MAP4: variants seen among roughly 807,000 people sequenced by gnomAD.
The protein encoded by MAP4 is microtubule-associated protein 4.
In MAP4, 76 loss-of-function variants were observed where a neutral mutation model predicts 170.2. The observed-to-expected ratio is 0.45, with a 90% CI of 0.37 to 0.54. The LOEUF (loss-of-function observed/expected upper bound fraction) is 0.54. Ranked by LOEUF, MAP4 falls within the 20% of genes least tolerant of loss-of-function variation. The pLI is 0.00. For missense variants in MAP4, 2,506 were observed against 2,748.0 expected (o/e 0.91, Z 1.97); for synonymous variants, 909 against 994.5 (o/e 0.91, Z 1.62).
intron 11 of MAP4, 169 bp downstream of exon 11, chr3:47,877,248 C>T: frequency 1.7e-6 from 1 of 579,264 alleles, no homozygotes; most frequent in Non-Finnish European, 3.1e-6. Flanking sequence ...TGGTTTAGGC[C>T]ACTGTGGTAA....
In MAP4 at chr3:47,946,050, T is replaced by C. The variant is rs563576401; in HGVS notation, c.293-17700A>G. Among the ~76,000 whole-genome samples, 604 of 151,792 alleles carry C rather than the reference T, an allele frequency of 4.0e-3. 8 individuals are homozygous for C. Among genetic ancestry groups the C allele is most frequent in the African/African-American group, 0.014 (585 of 41,464 alleles). Reference sequence around the variant, plus strand: ...CCCAGGTTCATGCCATTCTCCTGCCTCAGCCTCCTGAGTAGCTGGGACTAC... The same window carrying C: ...CCCAGGTTCATGCCATTCTCCTGCCCCAGCCTCCTGAGTAGCTGGGACTAC... On this transcript the variant is annotated intron_variant, in intron 3 of 20. Transcript: ENST00000683076.
chr3:47,903,251 T>C (rs1559981488), intron 9 of MAP4, among the ~76,000 whole-genome samples: 1 of 152,190 alleles, frequency 6.6e-6, no homozygotes, highest in Non-Finnish European at 1.5e-5. Flanking sequence ...AGTCCTTTTC[T>C]GGCCAGGTGC....
At position 48,037,542 on chromosome 3, in the gene MAP4, AT is replaced by A. The variant is rs148695744; in HGVS notation, c.-19-38664del. 8.0e-4 allele frequency among the ~76,000 whole-genome samples: 121 copies of A among 152,120 alleles called. 4 individuals carry two copies. In the East Asian group the frequency reaches 0.022, roughly 28 times the overall value. The stretch of plus-strand genomic sequence containing the variant: ...CCCAAGTAGCTGGAACTCCAAGCAC[AT>A]GCCACCATGCCTGGCTAATTTTTGT... On this transcript the variant is annotated intron_variant, in intron 1 of 18. Transcript: ENST00000360240.
At chr3:48,027,853 T>C (rs777097153) in intron 1 of MAP4, among the ~76,000 whole-genome samples, 14 of 152,010 alleles carry the variant, frequency 9.2e-5, no homozygotes, top group Non-Finnish European at 1.9e-4. Flanking sequence ...AAATAAAAAA[T>C]CCGAAGATCA....
intron 3 of MAP4, chr3:47,973,843 G>A: frequency 1.0e-6 from 1 of 985,340 alleles, no homozygotes; most frequent in Non-Finnish European, 1.2e-6. Flanking sequence ...GGAAAGGGTT[G>A]TGTTTTCTTT....
At chr3:47,921,580 C>T (rs1291858795) in intron 5 of MAP4, among the ~76,000 whole-genome samples, 185 bp downstream of exon 5, 1 of 152,158 alleles carries the variant, frequency 6.6e-6, no homozygotes, top group Non-Finnish European at 1.5e-5. Context: ...ATTCTAAAGC[C>T]ACCTCTTGCG....
At chr3:47,980,819 T>C (rs773965140) in intron 2 of MAP4, among the ~76,000 whole-genome samples, 1 of 152,200 alleles carries the variant, frequency 6.6e-6, no homozygotes, top group Non-Finnish European at 1.5e-5. Context: ...CAAGAAAGAA[T>C]GCATATTTTT....
chr3:47,972,841 A>G (rs928880433), intron 3 of MAP4, among the ~76,000 whole-genome samples: 1 of 151,980 alleles, frequency 6.6e-6, no homozygotes, highest in Non-Finnish European at 1.5e-5. Flanking sequence ...AGCCGAGATC[A>G]TGCCACTGCA....
Position 47,916,845 on chromosome 3 carries a change from C to T in MAP4, c.982G>A (p.Val328Ile). The T allele has an allele frequency of 6.2e-7, 1 of 1,614,208 alleles. No individual in the cohort carries two copies. Residue 328 changes from valine (V) to isoleucine (I), a missense_variant, in exon 7 of 21, where the codon GTA (valine) becomes ATA (isoleucine). Physicochemically the swap from Val to Ile is conservative, Grantham distance 29 (BLOSUM62 3). Around this residue, in one of 3 missense-constraint regions of MAP4, gnomAD observed 2,008 missense variants for 2,206.0 expected, o/e 0.91. Transcript: ENST00000683076. ...AGTACCACATTCTTGGCTGAAGATA[C>T]ATCTGTTTCTGTGGGCCATCTGACA... ...KDVRWPTETD[V>I]SSAKNVVLPT...
At chr3:47,896,300 CGGGA>C (rs1030553225) in intron 10 of MAP4, among the ~76,000 whole-genome samples, 8 of 152,110 alleles carry the variant, frequency 5.3e-5, no homozygotes, top group African/African-American at 1.9e-4. Context: ...GAGGCCGAGG[CGGGA>C]GGATCACCTG....
chr3:47,959,458 G>GAA (rs1053582528), intron 3 of MAP4, among the ~76,000 whole-genome samples: 6 of 135,892 alleles, frequency 4.4e-5, no homozygotes, highest in African/African-American at 1.1e-4. Flanking sequence ...ATTTTCAAGG[G>GAA]AAAAAAAAAA....
intron 1 of MAP4, among the ~76,000 whole-genome samples, chr3:48,009,088 G>A (rs1021817206): frequency 6.6e-6 from 1 of 151,878 alleles, no homozygotes; most frequent in African/African-American, 2.4e-5. Context: ...ATGTTTTTTT[G>A]GTTTGTTGTT....
At chr3:47,987,933 G>A (rs774325882) in intron 2 of MAP4, among the ~76,000 whole-genome samples, 4 of 152,166 alleles carry the variant, frequency 2.6e-5, no homozygotes, top group African/African-American at 4.8e-5. Flanking sequence ...GGTGGCTCAC[G>A]CCTGTAATCC....
At chr3:47,951,564 C>G (rs2100063883) in intron 3 of MAP4, among the ~76,000 whole-genome samples, 1 of 152,240 alleles carries the variant, frequency 6.6e-6, no homozygotes, top group Non-Finnish European at 1.5e-5. Flanking sequence ...GTTGGCCGGG[C>G]TGGTCTCCAG....
intron 2 of MAP4, among the ~76,000 whole-genome samples, chr3:47,984,431 G>A (rs925938449): frequency 6.6e-6 from 1 of 152,206 alleles, no homozygotes; most frequent in Non-Finnish European, 1.5e-5. Context: ...TATTTGCTTA[G>A]ATACTAAAAT....
chr3:48,021,131 T>C (rs2100110340), upstream of MAP4, among the ~76,000 whole-genome samples: 1 of 152,164 alleles, frequency 6.6e-6, no homozygotes, highest in South Asian at 2.1e-4. Context: ...ACAGGATTAA[T>C]ACAACTTAAC....
chr3:47,953,538 A>G (rs1421077061), intron 3 of MAP4, among the ~76,000 whole-genome samples: 2 of 152,130 alleles, frequency 1.3e-5, no homozygotes, highest in Middle Eastern at 3.4e-3. Context: ...AATAAATAAA[A>G]CTTTCTTTAA....
chr3:48,031,178 A>G (rs978837896), intron 1 of MAP4, among the ~76,000 whole-genome samples: 1 of 152,234 alleles, frequency 6.6e-6, no homozygotes, highest in African/African-American at 2.4e-5. Flanking sequence ...TGGCAGGCCA[A>G]GGCAGGAGGT....
In MAP4 at chr3:47,855,694, CTG is replaced by C. The variant is rs2054525272; in HGVS notation, c.6584-336_6584-335del. On this transcript the variant is annotated intron_variant, in intron 18 of 20. Transcript: ENST00000683076. This position sits in a 1 kb window ranked among gnomAD's most constrained non-coding sequence, Gnocchi z 5.1. ...AGGGCGAAGCCTCTGCTTCTCTACT[CTG>C]TGTGGGAATGCCCTCCCGCTAACTG... is the stretch of plus-strand genomic sequence containing the variant. 1.3e-5 allele frequency among the ~76,000 whole-genome samples: 2 copies of C among 152,236 alleles called. No homozygotes were observed. The highest frequency in any genetic ancestry group is 4.1e-4 in the South Asian group (2 of 4,826).
Sources: allele counts gnomAD v4.1 joint callset (sites outside exome capture counted in the v4.1 genomes callset), GRCh38; gene constraint gnomAD v4.1.1; regional missense constraint gnomAD v4.1.1; non-coding constraint Gnocchi (gnomAD v3.1); transcripts MANE v1.5; gene names NCBI Gene and HGNC (gene_info 2026-07-23, HGNC 2026-07-21).